The following GAS7 variants were observed in gnomAD, a reference collection of about 807,000 sequenced individuals.
GAS7 encodes the protein growth arrest-specific protein 7.
Under a neutral mutation model 71.1 loss-of-function variants are expected in GAS7, and 28 were observed. The ratio of observed to expected loss-of-function variants is 0.39; its 90% CI spans 0.29 to 0.54. GAS7 has a LOEUF of 0.54. Ranked by LOEUF, GAS7 falls within the 20% of genes least tolerant of loss-of-function variation. The probability of loss-of-function intolerance (pLI) is 0.62; values close to 1 mark genes in which losing one functional copy is unlikely to be tolerated. For synonymous variants in GAS7, 258 were observed against 245.8 expected (o/e 1.05, Z -0.46); for missense variants, 436 against 627.8 (o/e 0.69, Z 3.27).
Position 9,915,179 on chromosome 17 carries a change from G to A in GAS7, c.*2049C>T. ...GAGCTACCCTGGAAGACGCAAGAGGGCTCACTCTATCCCAGGGATGAACAG... is the reference window on the plus strand; with the variant it reads ...GAGCTACCCTGGAAGACGCAAGAGGACTCACTCTATCCCAGGGATGAACAG... On this transcript the variant is annotated 3_prime_UTR_variant, in exon 14 of 14. Transcript: ENST00000432992. 1 of 231,104 alleles carries A rather than the reference G, an allele frequency of 4.3e-6. No individual in the cohort carries two copies. The highest frequency in any genetic ancestry group is 8.6e-6 in the Non-Finnish European group (1 of 116,676). 14.3% of individuals were successfully genotyped at this position (231,104 alleles called of 1,614,324 possible). A position where few individuals can be genotyped will look rare whatever the true frequency, so the allele number is the denominator to read the frequency against.
At position 9,911,003 on chromosome 17, in the gene GAS7, C is replaced by T. The variant is rs2152057113; in HGVS notation, c.*6225G>A. 1 of 232,942 alleles carries T rather than the reference C, an allele frequency of 4.3e-6. No individual in the cohort carries two copies. The highest frequency in any genetic ancestry group is 2.2e-5 in the African/African-American group (1 of 45,404). 14.4% of individuals were successfully genotyped at this position (232,942 alleles called of 1,614,324 possible). A position where few individuals can be genotyped will look rare whatever the true frequency, so the allele number is the denominator to read the frequency against. On this transcript the variant is annotated 3_prime_UTR_variant, in exon 14 of 14. Coordinates refer to ENST00000432992, the MANE Select transcript of GAS7 (RefSeq NM_201433.2). The surrounding 1 kb of genome is among the most constrained non-coding windows in gnomAD (Gnocchi z 4.0). ...AAGTTTATTTTGTTAGAAAATTCCA[C>T]TTTCATAGGGTTTGCCGATGTGCTC...
chr17:10,029,985 T>C (rs2072572829), intron 1 of GAS7, among the ~76,000 whole-genome samples: 2 of 152,154 alleles, frequency 1.3e-5, no homozygotes, highest in Non-Finnish European at 2.9e-5. Flanking sequence ...GTCCCCATAG[T>C]GAAGCATCCG....
At chr17:9,927,235 G>A (rs1018655023) in intron 9 of GAS7, among the ~76,000 whole-genome samples, 3 of 151,474 alleles carry the variant, frequency 2.0e-5, no homozygotes, top group African/African-American at 7.3e-5. Flanking sequence ...GATCACCTGA[G>A]GTCAGGAGTT....
chr17:9,954,242 G>C (rs937977683), intron 5 of GAS7, among the ~76,000 whole-genome samples: 3 of 152,170 alleles, frequency 2.0e-5, no homozygotes, highest in African/African-American at 4.8e-5. Flanking sequence ...TTGTGCTTCT[G>C]GCTGCTCCTG....
intron 3 of GAS7, among the ~76,000 whole-genome samples, chr17:9,971,212 C>A (rs1359865259): frequency 6.6e-6 from 1 of 151,546 alleles, no homozygotes; most frequent in Non-Finnish European, 1.5e-5. Flanking sequence ...GCCTGGGCAA[C>A]ATAGTGAGAC....
intron 1 of GAS7, among the ~76,000 whole-genome samples, chr17:10,050,280 G>A (rs1049770001): frequency 6.6e-6 from 1 of 152,062 alleles, no homozygotes; most frequent in African/African-American, 2.4e-5. Flanking sequence ...GACAGTTGGT[G>A]GGGTGGGGGG....
intron 2 of GAS7, among the ~76,000 whole-genome samples, chr17:10,006,316 CTTTTTTTTTTTTTTTTT>C (rs1168698479): frequency 1.4e-4 from 9 of 65,610 alleles, no homozygotes; most frequent in Admixed American, 2.1e-4. Context: ...GCCCCAGATT[CTTTTTTTTTTTTTTTTT>C]TTTTTTTTTT....
At chr17:10,168,624 A>T (rs2074312466) in intron 1 of GAS7, among the ~76,000 whole-genome samples, 1 of 152,136 alleles carries the variant, frequency 6.6e-6, no homozygotes, top group South Asian at 2.1e-4. Context: ...GCAGGGTGAT[A>T]TTGCCCCTAG....
At chr17:9,978,791 G>A (rs538288430) in intron 3 of GAS7, among the ~76,000 whole-genome samples, 2 of 152,178 alleles carry the variant, frequency 1.3e-5, no homozygotes, top group Non-Finnish European at 2.9e-5. Flanking sequence ...TCATGCTGAC[G>A]TAGGGAGCTG....
At chr17:10,130,767 A>T (rs1379644631) in intron 1 of GAS7, among the ~76,000 whole-genome samples, 1 of 152,242 alleles carries the variant, frequency 6.6e-6, no homozygotes, top group Non-Finnish European at 1.5e-5. Context: ...GCTGCATATT[A>T]TATTGTTCTA....
chr17:9,957,249 C>T (rs2069279754), intron 5 of GAS7, among the ~76,000 whole-genome samples: 1 of 152,214 alleles, frequency 6.6e-6, no homozygotes, highest in Admixed American at 6.5e-5. Flanking sequence ...CAGGAATCTG[C>T]ATTTTAAAAA....
intron 1 of GAS7, among the ~76,000 whole-genome samples, chr17:10,195,697 T>C (rs909219857): frequency 8.5e-5 from 13 of 152,164 alleles, no homozygotes; most frequent in African/African-American, 3.1e-4. Flanking sequence ...TCTAGTCTCA[T>C]GAGTCCAGAT....
At chr17:9,964,873 A>G (rs1426703180) in intron 4 of GAS7, among the ~76,000 whole-genome samples, 2 of 152,210 alleles carry the variant, frequency 1.3e-5, no homozygotes, top group Non-Finnish European at 2.9e-5. Flanking sequence ...TGAGGTAGGT[A>G]GGAGGTGGTG....
Position 10,103,791 on chromosome 17 carries a change from A to G in GAS7, c.184-83894T>C, listed in dbSNP as rs56822255. Reference sequence around the variant, plus strand: ...CAGTGAGCCAAGATCTCACCATTGCACTCCAGCCTGGGTGACACAGCAAGA... The same window carrying G: ...CAGTGAGCCAAGATCTCACCATTGCGCTCCAGCCTGGGTGACACAGCAAGA... On this transcript the variant is annotated intron_variant, in intron 1 of 13. Coordinates refer to ENST00000432992, the MANE Select transcript of GAS7 (RefSeq NM_201433.2). This position sits in a 1 kb window ranked among gnomAD's most constrained non-coding sequence, Gnocchi z 5.5. Among the ~76,000 whole-genome samples the G allele has an allele frequency of 0.57, 86,283 of 150,470 alleles. 26,818 individuals are homozygous for G. Among genetic ancestry groups the G allele is most frequent in the East Asian group, 0.72 (3,652 of 5,072 alleles).
intron 1 of GAS7, among the ~76,000 whole-genome samples, chr17:10,021,058 G>A (rs1371964302): frequency 6.6e-6 from 1 of 152,168 alleles, no homozygotes; most frequent in Non-Finnish European, 1.5e-5. Context: ...AATAAAAGTT[G>A]TTAGCTAAAG....
intron 1 of GAS7, among the ~76,000 whole-genome samples, chr17:10,139,680 A>AAC (rs774103583): frequency 8.5e-5 from 13 of 152,338 alleles, no homozygotes; most frequent in Non-Finnish European, 1.8e-4. Flanking sequence ...GGCTAGGCTG[A>AAC]ACTTCAGTTC....
rs545806484 is a variant in GAS7 at position 10,103,698 on chromosome 17, T to A, written c.184-83801A>T. Reference sequence around the variant, plus strand: ...AAAATTAGCTGGGTGTGGTGGCACATGCCTGTAATCCCGGCTACTAGGGAG... The same window carrying A: ...AAAATTAGCTGGGTGTGGTGGCACAAGCCTGTAATCCCGGCTACTAGGGAG... On this transcript the variant is annotated intron_variant, in intron 1 of 13. Transcript: ENST00000432992. The surrounding 1 kb of genome is among the most constrained non-coding windows in gnomAD (Gnocchi z 5.5). Among the ~76,000 whole-genome samples, 1 of 152,100 alleles carries A rather than the reference T, an allele frequency of 6.6e-6. No homozygotes were observed. Among genetic ancestry groups the A allele is most frequent in the South Asian group, 2.1e-4 (1 of 4,824 alleles).
intron 1 of GAS7, among the ~76,000 whole-genome samples, chr17:10,161,079 G>A (rs918793196): frequency 2.0e-5 from 3 of 151,996 alleles, no homozygotes; most frequent in Admixed American, 6.6e-5. Flanking sequence ...CAAGGGTCGC[G>A]GCTCCGTTTT....
chr17:9,997,253 C>CGG (rs371944232), intron 2 of GAS7, among the ~76,000 whole-genome samples: 4,782 of 36,982 alleles, frequency 0.13, 289 homozygotes, highest in African/African-American at 0.29. Context: ...CGGGTGGGGG[C>CGG]GGGGGCGGTG....
Sources: gnomAD v4.1 joint callset for allele counts (sites outside exome capture counted in the v4.1 genomes callset) on GRCh38, gnomAD v4.1.1 for gene constraint, Gnocchi (gnomAD v3.1) non-coding constraint, MANE v1.5 for transcripts, NCBI Gene and HGNC (gene_info 2026-07-23, HGNC 2026-07-21) for gene names.